Variants in PCDH11X observed in about 807,000 individuals in gnomAD.
PCDH11X encodes protocadherin 11 X-linked.
PCDH11X carries 18 observed loss-of-function variants against 53.3 expected under a neutral mutation model. That is an observed-to-expected ratio of 0.34 (90% CI 0.23 to 0.50). The LOEUF (loss-of-function observed/expected upper bound fraction) is 0.50, where lower values mean the gene tolerates loss of function less well. PCDH11X is among the 20% of genes least tolerant of loss of function. PCDH11X has a pLI of 0.98. For missense variants in PCDH11X, 570 were observed against 1,032.4 expected, an observed-to-expected ratio of 0.55 and a Z score of 6.14; for synonymous variants, 279 against 393.3, an observed-to-expected ratio of 0.71 and a Z score of 3.44.
chrX:92,326,195 A>C (rs1257389492), intron 8 of PCDH11X, among the ~76,000 whole-genome samples: 1 of 109,404 alleles, frequency 9.1e-6, no homozygotes, highest in Non-Finnish European at 1.9e-5. Context: ...CTGGCAAGGA[A>C]GCATTCTGTT....
intron 9 of PCDH11X, among the ~76,000 whole-genome samples, chrX:92,389,247 T>A (rs2522687): frequency 1.8e-5 from 2 of 110,788 alleles, no homozygotes; most frequent in African/African-American, 6.5e-5. Context: ...CTTTGTTTAG[T>A]ACAGCAAAAT....
intron 6 of PCDH11X, among the ~76,000 whole-genome samples, chrX:91,981,681 G>A (rs1280077051): frequency 6.8e-4 from 75 of 110,461 alleles, no homozygotes; most frequent in Non-Finnish European, 1.9e-4. Flanking sequence ...CACATGGCTG[G>A]GGAAGCCTCA....
At chrX:92,334,163 C>G (rs1387601206) in intron 8 of PCDH11X, among the ~76,000 whole-genome samples, 1 of 111,608 alleles carries the variant, frequency 9.0e-6, no homozygotes, top group Non-Finnish European at 1.9e-5. Context: ...TAAATGTAGA[C>G]ACTAGTCTAT....
intron 6 of PCDH11X, among the ~76,000 whole-genome samples, chrX:91,881,352 G>C (rs1323751017): frequency 9.0e-6 from 1 of 111,296 alleles, no homozygotes; most frequent in East Asian, 2.8e-4. Context: ...AAATGCTAAT[G>C]AGAATCAGTT....
At position 92,248,236 on chromosome X, in the gene PCDH11X, C is replaced by G. The variant is rs184056941; in HGVS notation, c.3115-14878C>G. On this transcript the variant is annotated intron_variant, in intron 7 of 10. Coordinates refer to ENST00000682573, the MANE Select transcript of PCDH11X (RefSeq NM_032968.5). ...AGGTATCAGGCAATTATAATAACTTCTCAATCTGTTATAAGCTAGGAAATA... is the reference window on the plus strand; with the variant it reads ...AGGTATCAGGCAATTATAATAACTTGTCAATCTGTTATAAGCTAGGAAATA... Among the ~76,000 whole-genome samples, 578 of 111,241 alleles carry G rather than the reference C, an allele frequency of 5.2e-3. 1 individual carries two copies. The highest frequency in any genetic ancestry group is 0.019 in the Middle Eastern group (4 of 214).
intron 6 of PCDH11X, among the ~76,000 whole-genome samples, chrX:92,161,492 C>A (rs1300803083): frequency 9.0e-6 from 1 of 110,533 alleles, no homozygotes; most frequent in Non-Finnish European, 1.9e-5. Context: ...TGACAATGTG[C>A]CTAGACATGA....
chrX:92,048,664 T>C (rs761519445), intron 6 of PCDH11X, among the ~76,000 whole-genome samples: 135 of 111,913 alleles, frequency 1.2e-3, no homozygotes, highest in African/African-American at 4.0e-3. Flanking sequence ...ATTAGAAAAA[T>C]AAATTCATTC....
rs147408868 is a variant in PCDH11X at position 92,186,416 on chromosome X, C to T, written c.3034-14959C>T. Reference sequence around the variant, plus strand: ...AGGCCAAGGCGGGTGCATCACCTGACATCGGGAGATCGAGACCAGCCTGAC... The same window carrying T: ...AGGCCAAGGCGGGTGCATCACCTGATATCGGGAGATCGAGACCAGCCTGAC... On this transcript the variant is annotated intron_variant, in intron 6 of 10. Coordinates refer to ENST00000682573, the MANE Select transcript of PCDH11X (RefSeq NM_032968.5). 9.9e-3 allele frequency among the ~76,000 whole-genome samples: 1,105 copies of T among 111,173 alleles called. 14 individuals carry two copies. Among genetic ancestry groups the T allele is most frequent in the African/African-American group, 0.035 (1,068 of 30,608 alleles).
At chrX:91,968,027 C>T (rs1367897103) in intron 6 of PCDH11X, among the ~76,000 whole-genome samples, 1 of 111,741 alleles carries the variant, frequency 8.9e-6, no homozygotes, top group African/African-American at 3.2e-5. Context: ...GATCCATTTG[C>T]TTTTGTTTCA....
chrX:91,947,089 C>T (rs1367194730), intron 6 of PCDH11X, among the ~76,000 whole-genome samples: 8 of 103,973 alleles, frequency 7.7e-5, no homozygotes, highest in Admixed American at 5.3e-4. Flanking sequence ...AAAGAGCATG[C>T]TACCTAAGAA....
At chrX:92,273,146 T>C (rs1312871480) in intron 8 of PCDH11X, among the ~76,000 whole-genome samples, 1 of 112,038 alleles carries the variant, frequency 8.9e-6, no homozygotes, top group Non-Finnish European at 1.9e-5. Flanking sequence ...TGGCTGTTTA[T>C]TTCACCTGGG....
At chrX:91,905,131 A>G (rs867853639) in intron 6 of PCDH11X, among the ~76,000 whole-genome samples, 28 of 99,228 alleles carry the variant, frequency 2.8e-4, no homozygotes, top group East Asian at 1.5e-3. Flanking sequence ...TATTATTATT[A>G]TTGTTATTAT....
intron 7 of PCDH11X, among the ~76,000 whole-genome samples, chrX:92,209,181 A>G (rs978337539): frequency 3.6e-5 from 4 of 111,564 alleles, no homozygotes; most frequent in African/African-American, 1.3e-4. Flanking sequence ...AGATTTCAAA[A>G]CACAATTATG....
chrX:92,512,559 A>G (rs963018639), intron 10 of PCDH11X, among the ~76,000 whole-genome samples: 3 of 111,769 alleles, frequency 2.7e-5, no homozygotes, highest in African/African-American at 9.7e-5. Context: ...TACTAGAAGG[A>G]TACTTAAATG....
At chrX:91,905,131 A>ATTC (rs1192298012) in intron 6 of PCDH11X, among the ~76,000 whole-genome samples, 5 of 99,248 alleles carry the variant, frequency 5.0e-5, no homozygotes, top group Non-Finnish European at 1.0e-4. Flanking sequence ...TATTATTATT[A>ATTC]TTGTTATTAT....
intron 4 of PCDH11X, among the ~76,000 whole-genome samples, chrX:91,812,268 T>C (rs1326607451): frequency 9.0e-6 from 1 of 111,019 alleles, no homozygotes; most frequent in Admixed American, 9.6e-5. Flanking sequence ...CTAATCACTG[T>C]TAAATTTCTC....
chrX:92,036,772 A>G (rs2063132432), intron 6 of PCDH11X, among the ~76,000 whole-genome samples: 1 of 111,188 alleles, frequency 9.0e-6, no homozygotes, highest in African/African-American at 3.3e-5. Context: ...AGGGCTCAGA[A>G]GAAGACAGGA....
At chrX:92,099,025 C>T (rs1396341329) in intron 6 of PCDH11X, among the ~76,000 whole-genome samples, 1 of 112,076 alleles carries the variant, frequency 8.9e-6, no homozygotes, top group Admixed American at 9.5e-5. Context: ...ACATGCCATA[C>T]TGGCCACATC....
intron 10 of PCDH11X, among the ~76,000 whole-genome samples, chrX:92,508,746 T>C (rs924001888): frequency 1.9e-5 from 2 of 104,598 alleles, no homozygotes; most frequent in African/African-American, 7.1e-5. Context: ...ATATAAAAAA[T>C]TTTGAAATAA....
Sources: allele counts gnomAD v4.1 joint callset (sites outside exome capture counted in the v4.1 genomes callset), GRCh38; gene constraint gnomAD v4.1.1; transcripts MANE v1.5; gene names NCBI Gene and HGNC (gene_info 2026-07-23, HGNC 2026-07-21).